The following BBS9 variants were observed in gnomAD, a reference collection of about 807,000 sequenced individuals.
BBS9 encodes the protein Bardet-Biedl syndrome 9.
Under a neutral mutation model 117.7 loss-of-function variants are expected in BBS9, and 89 were observed. The ratio of observed to expected loss-of-function variants is 0.76; its 90% CI spans 0.64 to 0.90. The LOEUF is 0.90. Ranked by LOEUF, BBS9 falls within the 40% of genes least tolerant of loss-of-function variation. BBS9 has a pLI of 0.00. For synonymous variants in BBS9, 379 were observed against 370.9 expected, an observed-to-expected ratio of 1.02 and a Z score of -0.25; for missense variants, 982 against 1,042.2, an observed-to-expected ratio of 0.94 and a Z score of 0.80.
At chr7:33,610,578 G>A (rs1272514410), downstream of BBS9, among the ~76,000 whole-genome samples, 1 of 152,068 alleles carries the variant, frequency 6.6e-6, no homozygotes, top group Non-Finnish European at 1.5e-5. Context: ...TCAAGATAAT[G>A]ACATTAATCT....
chr7:33,577,169 A>G (rs1859046092), intron 21 of BBS9, among the ~76,000 whole-genome samples: 1 of 152,212 alleles, frequency 6.6e-6, no homozygotes. Context: ...CAAAGGGCTA[A>G]CATCCAGAAT....
Position 33,273,088 on chromosome 7 carries a change from T to G in BBS9, c.779T>G (p.Val260Gly). ...TCTTTCAATCAGTCGGCATCCTCTG[T>G]TTTTGTTCTTGGTGAGAGAAACTTT... Reference protein sequence around the residue: ...IVSFNQSASSVFVLGERNFFC... With the variant: ...IVSFNQSASSGFVLGERNFFC... Residue 260 changes from valine (V) to glycine (G), a missense_variant, in exon 8 of 23, where the codon GTT (valine) becomes GGT (glycine). Physicochemically the swap from Val to Gly is moderately radical, Grantham distance 109. Transcript: ENST00000242067. The G allele has an allele frequency of 6.2e-7, 1 of 1,613,792 alleles. No individual in the cohort carries two copies. Among genetic ancestry groups the G allele is most frequent in the Non-Finnish European group, 8.5e-7 (1 of 1,179,780 alleles).
chr7:33,400,891 A>G (rs1828799130), intron 19 of BBS9, among the ~76,000 whole-genome samples: 1 of 152,218 alleles, frequency 6.6e-6, no homozygotes, highest in Admixed American at 6.5e-5. Context: ...TGTAATTAAA[A>G]TAAATGTACT....
At chr7:33,534,798 G>C (rs772404261) in intron 21 of BBS9, among the ~76,000 whole-genome samples, 4 of 152,134 alleles carry the variant, frequency 2.6e-5, no homozygotes, top group Non-Finnish European at 4.4e-5. Flanking sequence ...GCAGCCCTCA[G>C]GTCTCTTAGG....
At chr7:33,325,991 C>G (rs917572695) in intron 9 of BBS9, among the ~76,000 whole-genome samples, 3 of 152,178 alleles carry the variant, frequency 2.0e-5, no homozygotes, top group African/African-American at 7.2e-5. Flanking sequence ...CACTGCCTGG[C>G]TACCACTTAC....
chr7:33,219,928 C>T (rs954012824), intron 5 of BBS9, among the ~76,000 whole-genome samples: 11 of 152,264 alleles, frequency 7.2e-5, no homozygotes, highest in Middle Eastern at 3.4e-3. Context: ...ACACTCACCG[C>T]GAAGTTCTGC....
rs1834622109 is a variant in BBS9, at chr7:33,432,300, G to GT, written c.2115+44156_2115+44157insT. 2.7e-5 allele frequency among the ~76,000 whole-genome samples: 4 copies of GT among 150,526 alleles called. No homozygotes were observed. In the Middle Eastern group the frequency reaches 0.01, roughly 384 times the overall value. On this transcript the variant is annotated intron_variant, in intron 19 of 22. Transcript: ENST00000242067. ...ATTTTTTTTTTTTTTTAGTAGAGACGGGGTTTCACCGTGTTAGCCAGGATA... is the reference window on the plus strand; with the variant it reads ...ATTTTTTTTTTTTTTTAGTAGAGACGTGGGTTTCACCGTGTTAGCCAGGATA...
At chr7:33,366,293 TCTTTGTCA>T (rs1821701437) in intron 16 of BBS9, among the ~76,000 whole-genome samples, 1 of 152,142 alleles carries the variant, frequency 6.6e-6, no homozygotes, top group Admixed American at 6.5e-5. Flanking sequence ...TTGCCTTTAT[TCTTTGTCA>T]CTAGCCATCT....
At chr7:33,285,489 A>G (rs1802710936) in intron 9 of BBS9, among the ~76,000 whole-genome samples, 1 of 152,164 alleles carries the variant, frequency 6.6e-6, no homozygotes, top group African/African-American at 2.4e-5. Flanking sequence ...AATTATGTCA[A>G]TCTCATTGAA....
At chr7:33,452,337 C>T (rs1206012198) in intron 19 of BBS9, among the ~76,000 whole-genome samples, 2 of 151,890 alleles carry the variant, frequency 1.3e-5, no homozygotes, top group Non-Finnish European at 2.9e-5. Context: ...CAAGTTTGTC[C>T]TTCCACAATG....
intron 21 of BBS9, among the ~76,000 whole-genome samples, chr7:33,619,765 G>A (rs1272697354): frequency 1.3e-5 from 2 of 151,932 alleles, no homozygotes; most frequent in African/African-American, 4.8e-5. Context: ...GGTCAAAGAA[G>A]AAATCAAAAA....
chr7:33,419,295 A>G (rs150545699), intron 19 of BBS9, among the ~76,000 whole-genome samples: 27 of 152,340 alleles, frequency 1.8e-4, no homozygotes, highest in African/African-American at 5.8e-4. Context: ...TTAAAATTGT[A>G]TATCAATAAT....
At chr7:33,461,522 G>A (rs1198205271) in intron 19 of BBS9, among the ~76,000 whole-genome samples, 1 of 151,132 alleles carries the variant, frequency 6.6e-6, no homozygotes, top group Non-Finnish European at 1.5e-5. Context: ...AGGAGAGTTT[G>A]TAAGACTCTC....
At chr7:33,269,258 G>A (rs532617326) in intron 7 of BBS9, among the ~76,000 whole-genome samples, 1 of 152,172 alleles carries the variant, frequency 6.6e-6, no homozygotes, top group African/African-American at 2.4e-5. Context: ...TCTTTTCTTG[G>A]ATCCATTGTT....
chr7:33,619,332 A>C (rs565796246), intron 21 of BBS9, among the ~76,000 whole-genome samples: 1 of 152,316 alleles, frequency 6.6e-6, no homozygotes, highest in East Asian at 1.9e-4. Flanking sequence ...GTATTTGCCC[A>C]ATGTTGGAAC....
chr7:33,383,651 AT>A lies in BBS9; in HGVS notation c.1790-8del, dbSNP rs764086538. 3.1e-6 allele frequency: 5 copies of A among 1,591,812 alleles called. No individual in the cohort carries two copies. Among genetic ancestry groups the A allele is most frequent in the Admixed American group, 1.7e-5 (1 of 57,578 alleles). Reference sequence around the variant, plus strand: ...CTGTGTTACTAAGCATTTTTCCTTAATTTTTTTCTCTCAGAACGATATCGCA... The same window carrying A: ...CTGTGTTACTAAGCATTTTTCCTTAATTTTTTCTCTCAGAACGATATCGCA... On this transcript the variant is annotated splice_polypyrimidine_tract_variant and intron_variant, in intron 17 of 22. Coordinates refer to ENST00000242067, the MANE Select transcript of BBS9 (RefSeq NM_198428.3).
intron 16 of BBS9, among the ~76,000 whole-genome samples, chr7:33,362,818 A>G (rs1479595953): frequency 3.9e-5 from 6 of 152,030 alleles, no homozygotes; most frequent in Admixed American, 2.0e-4. Context: ...TTTGATTGGG[A>G]TTGTGATTGT....
At chr7:33,397,457 C>G (rs1301477243) in intron 19 of BBS9, among the ~76,000 whole-genome samples, 2 of 152,118 alleles carry the variant, frequency 1.3e-5, no homozygotes, top group African/African-American at 2.4e-5. Flanking sequence ...ACCGAGCAAT[C>G]CCATTACTGA....
intron 21 of BBS9, among the ~76,000 whole-genome samples, chr7:33,613,209 G>C (rs886620190): frequency 3.3e-5 from 5 of 152,026 alleles, no homozygotes; most frequent in Non-Finnish European, 7.4e-5. Context: ...TCTGCAAAGT[G>C]GGGGGCCTGT....
Sources: gnomAD v4.1 joint callset for allele counts (sites outside exome capture counted in the v4.1 genomes callset) on GRCh38, gnomAD v4.1.1 for gene constraint, MANE v1.5 for transcripts, NCBI Gene and HGNC (gene_info 2026-07-23, HGNC 2026-07-21) for gene names.